Variants in NUP58 observed in about 807,000 individuals in gnomAD.
The protein encoded by NUP58 is nucleoporin p58/p45.
In NUP58, 17 loss-of-function variants were observed where a neutral mutation model predicts 70.1. The observed-to-expected ratio is 0.24, with a 90% CI of 0.17 to 0.36. The LOEUF is 0.36. Among genes scored for constraint, NUP58 ranks in the 10% least tolerant of loss-of-function variants. The pLI is 1.00. For synonymous variants in NUP58, 275 were observed against 257.6 expected (o/e 1.07, Z -0.65); for missense variants, 644 against 701.5 (o/e 0.92, Z 0.93).
Position 25,340,200 on chromosome 13 carries a change from T to C in NUP58, c.*66T>C. 7.5e-7 allele frequency: 1 copy of C among 1,336,724 alleles called. No individual in the cohort carries two copies. The highest frequency in any genetic ancestry group is 9.9e-7 in the Non-Finnish European group (1 of 1,014,650). The allele number at this position is 1,336,724 out of a possible 1,614,324, so 82.8% of individuals were successfully genotyped here. On this transcript the variant is annotated 3_prime_UTR_variant, in exon 16 of 16. Coordinates refer to ENST00000381736, the MANE Select transcript of NUP58 (RefSeq NM_014089.4). ...TCATTCTATGAGTCTATTTTTCTAA[T>C]GATGCAGTAATTAAATTGCATCCCA... is the stretch of plus-strand genomic sequence containing the variant.
intron 1 of NUP58, among the ~76,000 whole-genome samples, chr13:25,306,852 A>C (rs1040310832): frequency 2.1e-4 from 32 of 152,080 alleles, no homozygotes; most frequent in Admixed American, 6.6e-5. Flanking sequence ...TTCTTTTTTT[A>C]AGCTTTGCAC....
intron 5 of NUP58, among the ~76,000 whole-genome samples, chr13:25,314,864 ATACT>A (rs1325680410): frequency 1.3e-5 from 2 of 152,176 alleles, no homozygotes. Context: ...ATGAATTCTA[ATACT>A]TTTTTTTAAG....
chr13:25,304,476 GATTAT>G (rs2030190408), intron 1 of NUP58, among the ~76,000 whole-genome samples: 1 of 81,566 alleles, frequency 1.2e-5, no homozygotes. Context: ...ATGTTGTCAA[GATTAT>G]ATATATATAT....
At chr13:25,308,783 T>G (rs1379756145) in intron 2 of NUP58, among the ~76,000 whole-genome samples, 1 of 152,192 alleles carries the variant, frequency 6.6e-6, no homozygotes, top group Non-Finnish European at 1.5e-5. Flanking sequence ...GTTTGCTTCT[T>G]TATTTACCCC....
chr13:25,328,311 C>T (rs908053388), intron 12 of NUP58, among the ~76,000 whole-genome samples: 2 of 151,914 alleles, frequency 1.3e-5, no homozygotes, highest in African/African-American at 4.8e-5. Context: ...CAGCATTTCT[C>T]CCTTTTAAAT....
intron 9 of NUP58, among the ~76,000 whole-genome samples, chr13:25,322,234 G>C (rs1043979744): frequency 1.3e-5 from 2 of 152,218 alleles, no homozygotes; most frequent in Non-Finnish European, 2.9e-5. Flanking sequence ...AAACGAAGTG[G>C]TAGTATTTTA....
intron 9 of NUP58, among the ~76,000 whole-genome samples, chr13:25,321,843 G>A (rs1044722573): frequency 6.6e-6 from 1 of 152,126 alleles, no homozygotes; most frequent in Non-Finnish European, 1.5e-5. Context: ...CTTGAACCTG[G>A]GAGGCGGAGG....
chr13:25,334,380 T>C (rs2031712531), intron 13 of NUP58: 2 of 985,334 alleles, frequency 2.0e-6, no homozygotes, highest in African/African-American at 1.7e-5. Context: ...CTTTCTTATG[T>C]GACTTAGCTG....
chr13:25,341,174 A>T lies in NUP58; in HGVS notation c.*1040A>T, dbSNP rs2031944290. ...CTTTTCCATTTTTGTTTCCACCTTAACCTATAGCAGCTCCTCCAAATGAGG... is the reference window on the plus strand; with the variant it reads ...CTTTTCCATTTTTGTTTCCACCTTATCCTATAGCAGCTCCTCCAAATGAGG... On this transcript the variant is annotated 3_prime_UTR_variant, in exon 16 of 16. Transcript: ENST00000381736. 6.6e-6 allele frequency: 1 copy of T among 152,238 alleles called. No homozygotes were observed. Among genetic ancestry groups the T allele is most frequent in the African/African-American group, 2.4e-5 (1 of 41,420 alleles). 9.4% of individuals were successfully genotyped at this position (152,238 alleles called of 1,614,324 possible). A position where few individuals can be genotyped will look rare whatever the true frequency, so the allele number is the denominator to read the frequency against.
In NUP58 at chr13:25,307,797, TTAAA is replaced by T; in HGVS notation, c.108-5_108-2del. 3 of 1,613,392 alleles carry T rather than the reference TTAAA, an allele frequency of 1.9e-6. No homozygotes were observed. Among genetic ancestry groups the T allele is most frequent in the Non-Finnish European group, 2.5e-6 (3 of 1,179,780 alleles). On this transcript the variant is annotated splice_region_variant and splice_polypyrimidine_tract_variant and intron_variant, in intron 1 of 15. Transcript: ENST00000381736. ...TGATTTTTGTTTTGTTTTTGTTTCT[TTAAA>T]TAAGCAACCCTTCTGTGGGGCTCAA...
chr13:25,326,827 A>G (rs2031412848), intron 10 of NUP58, 89 bp from the exon 11 acceptor site: 1 of 672,938 alleles, frequency 1.5e-6, no homozygotes, highest in South Asian at 2.1e-5. Context: ...TTTGAAGACT[A>G]TTAAATGATT....
chr13:25,306,221 T>G (rs567946964), intron 1 of NUP58, among the ~76,000 whole-genome samples: 18 of 151,896 alleles, frequency 1.2e-4, no homozygotes, highest in Non-Finnish European at 1.6e-4. Flanking sequence ...CTGGCTAACA[T>G]GGTGAAACCC....
rs576354734 is a variant in NUP58 at position 25,334,377 on chromosome 13, A to T, written c.1436-2559A>T. On this transcript the variant is annotated intron_variant, in intron 13 of 15. Transcript: ENST00000381736. ...GATGTTTACATAATAAGACTTTCTT[A>T]TGTGACTTAGCTGCTGTTTTAAGGA... 35 of 985,368 alleles carry T rather than the reference A, an allele frequency of 3.6e-5. 1 individual carries two copies. The South Asian group carries it at 1.4e-3, about 38-fold the overall frequency. The allele number at this position is 985,368 out of a possible 1,614,324, so 61.0% of individuals were successfully genotyped here. A position where few individuals can be genotyped will look rare whatever the true frequency, so the allele number is the denominator to read the frequency against.
At chr13:25,315,058 CTCTG>C (rs2030862034) in intron 5 of NUP58, among the ~76,000 whole-genome samples, 1 of 152,124 alleles carries the variant, frequency 6.6e-6, no homozygotes, top group Non-Finnish European at 1.5e-5. Context: ...TTTAAAAGCC[CTCTG>C]TAACAAAACC....
rs762271285 is a variant in NUP58 at position 25,336,986 on chromosome 13, A to G, written c.1486A>G (p.Ile496Val). The G allele has an allele frequency of 1.2e-6, 2 of 1,606,880 alleles. No individual in the cohort carries two copies. The highest frequency in any genetic ancestry group is 3.4e-5 in the Admixed American group (2 of 58,522). ...TTTTGGAACGCCATTCGGCTCAGGT[A>G]TTGGCACTGGCTTGCAATCAAGTGG... ...VSFGTPFGSGIGTGLQSSGLG... is the reference protein window; with the variant it reads ...VSFGTPFGSGVGTGLQSSGLG... Residue 496 changes from isoleucine to valine, a missense_variant, in exon 14 of 16, where the codon ATT becomes GTT. By Grantham distance (29) the Ile-to-Val change is conservative. Coordinates refer to ENST00000381736, the MANE Select transcript of NUP58 (RefSeq NM_014089.4).
At chr13:25,302,498 A>T (rs531334269) in intron 1 of NUP58, among the ~76,000 whole-genome samples, 2 of 152,226 alleles carry the variant, frequency 1.3e-5, no homozygotes, top group Non-Finnish European at 2.9e-5. Flanking sequence ...TAATAACTCA[A>T]TTTGTCTTTT....
rs2030321903 is a variant in NUP58 at position 25,305,806 on chromosome 13, CCTT to C, written c.108-1999_108-1997del. Among the ~76,000 whole-genome samples, 3 of 152,202 alleles carry C rather than the reference CCTT, an allele frequency of 2.0e-5. 1 individual carries two copies. In the South Asian group the frequency reaches 6.2e-4, roughly 32 times the overall value. On this transcript the variant is annotated intron_variant, in intron 1 of 15. Transcript: ENST00000381736. Reference sequence around the variant, plus strand: ...CTCCTGCTTGAGTATTTCTTTTCCTCCTTGTCTCCCAGTGTTTGCAAAAATTTG... The same window carrying C: ...CTCCTGCTTGAGTATTTCTTTTCCTCGTCTCCCAGTGTTTGCAAAAATTTG...
downstream of NUP58, among the ~76,000 whole-genome samples, chr13:25,342,706 G>T (rs1256476336): frequency 1.3e-5 from 2 of 152,022 alleles, no homozygotes; most frequent in South Asian, 2.1e-4. Flanking sequence ...CAGTCTGATG[G>T]TTTGATATGT....
chr13:25,316,451 T>C (rs1466742074), intron 6 of NUP58, among the ~76,000 whole-genome samples: 1 of 152,166 alleles, frequency 6.6e-6, no homozygotes, highest in East Asian at 1.9e-4. Context: ...ATATGACTTT[T>C]TTTTTAAAAA....
Sources: gnomAD v4.1 joint callset for allele counts (sites outside exome capture counted in the v4.1 genomes callset) on GRCh38, gnomAD v4.1.1 for gene constraint, MANE v1.5 for transcripts, NCBI Gene and HGNC (gene_info 2026-07-23, HGNC 2026-07-21) for gene names.